The following CNTN1 variants were observed in gnomAD, a reference collection of about 807,000 sequenced individuals.
CNTN1 encodes contactin-1.
In CNTN1, 38 loss-of-function variants were observed where a neutral mutation model predicts 126.4. The ratio of observed to expected loss-of-function variants is 0.30; its 90% CI spans 0.23 to 0.39. CNTN1 has a LOEUF of 0.39. Among genes scored for constraint, CNTN1 ranks in the 10% least tolerant of loss-of-function variants. The pLI is 1.00. For synonymous variants in CNTN1, 413 were observed against 422.6 expected (o/e 0.98, Z 0.28); for missense variants, 1,009 against 1,248.4 (o/e 0.81, Z 2.89).
chr12:40,888,385 A>G lies in CNTN1; in HGVS notation c.-76-19972A>G, dbSNP rs145847974. Among the ~76,000 whole-genome samples the G allele has an allele frequency of 2.9e-4, 44 of 152,322 alleles. 1 individual carries two copies. The South Asian group carries it at 6.6e-3, about 23-fold the overall frequency. On this transcript the variant is annotated intron_variant, in intron 1 of 23. Coordinates refer to ENST00000551295, the MANE Select transcript of CNTN1 (RefSeq NM_001843.4). ...AAAAACAATAACTAATTTTTCATAG[A>G]GAAATGTTAAAATATGTCGAAAATA...
intron 1 of CNTN1, among the ~76,000 whole-genome samples, chr12:40,780,136 G>A (rs1050089358): frequency 6.6e-5 from 10 of 151,794 alleles, no homozygotes; most frequent in African/African-American, 2.2e-4. Flanking sequence ...TTGGAGATAC[G>A]GCTGATCAGT....
chr12:40,841,050 C>A (rs1464757245), intron 1 of CNTN1, among the ~76,000 whole-genome samples: 2 of 151,378 alleles, frequency 1.3e-5, no homozygotes, highest in Non-Finnish European at 3.0e-5. Context: ...AATGGATAAA[C>A]CTGCAGCTAA....
At chr12:40,795,798 G>A (rs1940405778) in intron 1 of CNTN1, among the ~76,000 whole-genome samples, 1 of 152,112 alleles carries the variant, frequency 6.6e-6, no homozygotes, top group African/African-American at 2.4e-5. Context: ...CCAGTTTTCA[G>A]GGATTTCTGT....
intron 1 of CNTN1, among the ~76,000 whole-genome samples, chr12:40,749,772 A>ATAT (rs1194396202): frequency 2.2e-4 from 21 of 96,684 alleles, no homozygotes; most frequent in South Asian, 6.5e-4. Context: ...CATTTCATGA[A>ATAT]AAGTAAATCT....
chr12:40,842,665 G>A (rs767604056), intron 1 of CNTN1, among the ~76,000 whole-genome samples: 12 of 152,080 alleles, frequency 7.9e-5, no homozygotes, highest in Non-Finnish European at 1.0e-4. Context: ...GTGTAAGATT[G>A]AAGATTATGG....
intron 1 of CNTN1, among the ~76,000 whole-genome samples, chr12:40,880,413 G>A (rs925758498): frequency 5.9e-5 from 9 of 151,898 alleles, no homozygotes; most frequent in Non-Finnish European, 1.3e-4. Flanking sequence ...TGGTTATAAA[G>A]AAAATAATAA....
chr12:40,916,183 G>T (rs924303058), intron 3 of CNTN1, among the ~76,000 whole-genome samples: 1 of 152,034 alleles, frequency 6.6e-6, no homozygotes, highest in African/African-American at 2.4e-5. Context: ...ATTTATCAAG[G>T]ATTATAGTGG....
intron 1 of CNTN1, among the ~76,000 whole-genome samples, chr12:40,869,935 A>G (rs1366217193): frequency 1.3e-5 from 2 of 152,196 alleles, no homozygotes; most frequent in African/African-American, 2.4e-5. Flanking sequence ...TGTAACTCCC[A>G]TAATTCCCAC....
intron 21 of CNTN1, among the ~76,000 whole-genome samples, chr12:41,027,368 A>AC (rs1392457127): frequency 2.0e-5 from 3 of 152,148 alleles, no homozygotes; most frequent in Admixed American, 2.0e-4. Context: ...TTACAAGTTG[A>AC]CAGAGGGAGC....
chr12:40,908,602 G>C (rs374782419), intron 2 of CNTN1, 109 bp downstream of exon 2: 2 of 732,832 alleles, frequency 2.7e-6, no homozygotes, highest in East Asian at 2.7e-5. Flanking sequence ...TCGACATCTG[G>C]GTCAGATAAG....
intron 17 of CNTN1, among the ~76,000 whole-genome samples, chr12:41,009,806 C>A (rs1368859898): frequency 6.6e-6 from 1 of 152,182 alleles, no homozygotes; most frequent in Non-Finnish European, 1.5e-5. Flanking sequence ...ACTGGCCTAG[C>A]AGTTACAGCT....
chr12:40,927,499 A>G (rs1237006494), intron 6 of CNTN1, among the ~76,000 whole-genome samples: 1 of 152,068 alleles, frequency 6.6e-6, no homozygotes, highest in Non-Finnish European at 1.5e-5. Flanking sequence ...GTATGACCTC[A>G]GGCAAGTCAC....
chr12:40,820,808 A>T (rs1455284659), intron 1 of CNTN1, among the ~76,000 whole-genome samples: 2 of 152,156 alleles, frequency 1.3e-5, no homozygotes, highest in Non-Finnish European at 2.9e-5. Context: ...ACATCTCTAG[A>T]TATCTCAGGT....
At chr12:41,057,410 G>C (rs772579705) in intron 23 of CNTN1, among the ~76,000 whole-genome samples, 1 of 151,602 alleles carries the variant, frequency 6.6e-6, no homozygotes, top group Non-Finnish European at 1.5e-5. Context: ...ATGTACATTA[G>C]TAGACCCTTT....
chr12:40,987,520 G>A (rs928919403), intron 16 of CNTN1, among the ~76,000 whole-genome samples: 2 of 152,114 alleles, frequency 1.3e-5, no homozygotes, highest in Non-Finnish European at 2.9e-5. Flanking sequence ...TGGTGTGTGT[G>A]TATGTAAGAA....
intron 1 of CNTN1, among the ~76,000 whole-genome samples, chr12:40,790,940 G>T (rs1940198415): frequency 6.6e-6 from 1 of 152,088 alleles, no homozygotes; most frequent in South Asian, 2.1e-4. Context: ...GCCAAGGATT[G>T]TCTTCATAGA....
chr12:40,931,543 C>T (rs1945884716), intron 7 of CNTN1, among the ~76,000 whole-genome samples: 4 of 151,992 alleles, frequency 2.6e-5, no homozygotes, highest in African/African-American at 7.2e-5. Flanking sequence ...CCCCAGAAAG[C>T]TCTCACAGAT....
At chr12:41,022,053 T>C (rs1948926143) in intron 20 of CNTN1, among the ~76,000 whole-genome samples, 1 of 152,154 alleles carries the variant, frequency 6.6e-6, no homozygotes, top group African/African-American at 2.4e-5. Flanking sequence ...TTTTACTTTA[T>C]TTAAAACATG....
chr12:40,836,868 A>G (rs1191516045), intron 1 of CNTN1, among the ~76,000 whole-genome samples: 3 of 152,218 alleles, frequency 2.0e-5, no homozygotes, highest in Admixed American at 1.3e-4. Flanking sequence ...CCAGAACACT[A>G]TGATATCCTC....
Sources: allele counts gnomAD v4.1 joint callset (sites outside exome capture counted in the v4.1 genomes callset), GRCh38; gene constraint gnomAD v4.1.1; transcripts MANE v1.5; gene names NCBI Gene and HGNC (gene_info 2026-07-23, HGNC 2026-07-21).